Variants in HECTD4 observed in about 807,000 individuals in gnomAD.
HECTD4 encodes the protein HECT domain E3 ubiquitin protein ligase 4.
A neutral mutation model predicts 471.5 loss-of-function variants in HECTD4; 114 were observed. The observed-to-expected ratio is 0.24, with a 90% CI of 0.21 to 0.28. The LOEUF (loss-of-function observed/expected upper bound fraction) is 0.28. HECTD4 is among the 10% of genes least tolerant of loss of function. HECTD4 has a pLI of 1.00. For missense variants in HECTD4, 3,866 were observed against 5,651.5 expected (o/e 0.68, Z 10.13); for synonymous variants, 2,012 against 2,256.0 (o/e 0.89, Z 3.07).
intron 1 of HECTD4, among the ~76,000 whole-genome samples, chr12:112,348,758 A>C (rs1249520212): frequency 6.6e-6 from 1 of 152,224 alleles, no homozygotes; most frequent in African/African-American, 2.4e-5. Context: ...TTTTGGGGAA[A>C]AAAAAGTGTA....
intron 1 of HECTD4, among the ~76,000 whole-genome samples, chr12:112,355,287 CAAAAAAAA>C (rs1310033896): frequency 2.6e-4 from 29 of 111,424 alleles, no homozygotes; most frequent in South Asian, 2.5e-3. Context: ...AAATGGGATT[CAAAAAAAA>C]AAAAAAAAAA....
Position 112,229,767 on chromosome 12 carries a change from G to A in HECTD4, c.6450C>T (p.Arg2150=), listed in dbSNP as rs774917652. The part of the protein sequence containing the change: ...RKLAKLQRIA[R]QAVAALCALG... ...GTGCACACAGTGCGGCAACGGCCTG[G>A]CGTGCAATTCTCTGAAGTTTGGCAA... Residue 2150 remains arginine (R), a synonymous_variant, in exon 41 of 76, where the codon CGC becomes CGT. Transcript: ENST00000682272. 6.1e-5 allele frequency: 99 copies of A among 1,613,918 alleles called. No homozygotes were observed. Among genetic ancestry groups the A allele is most frequent in the Non-Finnish European group, 8.1e-5 (95 of 1,179,904 alleles).
chr12:112,292,030 C>T (rs776869665), intron 7 of HECTD4, among the ~76,000 whole-genome samples: 59 of 152,302 alleles, frequency 3.9e-4, no homozygotes, highest in Admixed American at 1.1e-3. Context: ...CTTTAAAACA[C>T]GATCCCATCA....
At position 112,188,916 on chromosome 12, in the gene HECTD4, CA is replaced by C. The variant is rs1358846353; in HGVS notation, c.9472+1869del. The stretch of plus-strand genomic sequence containing the variant: ...CCGTTGTCCTTGCTCTACCATTTAG[CA>C]TTCATGTAAGACGACCTTGGAGAGA... On this transcript the variant is annotated intron_variant, in intron 60 of 75. Coordinates refer to ENST00000682272, the MANE Select transcript of HECTD4 (RefSeq NM_001388303.1). This position sits in a 1 kb window ranked among gnomAD's most constrained non-coding sequence, Gnocchi z 4.2. Among the ~76,000 whole-genome samples the C allele has an allele frequency of 2.6e-5, 4 of 152,236 alleles. No individual in the cohort carries two copies. Among genetic ancestry groups the C allele is most frequent in the African/African-American group, 9.6e-5 (4 of 41,468 alleles).
rs1032097766 is a variant in HECTD4 at position 112,173,236 on chromosome 12, G to A, written c.11595-375C>T. Among the ~76,000 whole-genome samples the A allele has an allele frequency of 1.8e-4, 28 of 152,182 alleles. No individual in the cohort carries two copies. The highest frequency in any genetic ancestry group is 6.7e-4 in the African/African-American group (28 of 41,506). ...GACAAAATCTTGCTCTGTTGCCTGG[G>A]CTGGAGTGCAGTGGGGCAATCATAG... On this transcript the variant is annotated intron_variant, in intron 66 of 75. Transcript: ENST00000682272. This position sits in a 1 kb window ranked among gnomAD's most constrained non-coding sequence, Gnocchi z 4.3.
chr12:112,217,629 T>C (rs748722295), intron 45 of HECTD4, among the ~76,000 whole-genome samples: 3 of 152,256 alleles, frequency 2.0e-5, no homozygotes, highest in African/African-American at 7.2e-5. Flanking sequence ...GCTAGGATTA[T>C]AGGCGTGAGC....
At chr12:112,271,033 A>G (rs942600848) in intron 11 of HECTD4, among the ~76,000 whole-genome samples, 1 of 152,210 alleles carries the variant, frequency 6.6e-6, no homozygotes. Context: ...GAGGCTTGGT[A>G]GTCAGTAATA....
chr12:112,297,884 C>G (rs987193888), intron 7 of HECTD4, among the ~76,000 whole-genome samples: 1 of 152,084 alleles, frequency 6.6e-6, no homozygotes, highest in Non-Finnish European at 1.5e-5. Context: ...GAAGTTAAGA[C>G]AGTTGACAGA....
At chr12:112,307,107 T>TA (rs1366126477) in intron 6 of HECTD4, among the ~76,000 whole-genome samples, 1 of 152,014 alleles carries the variant, frequency 6.6e-6, no homozygotes, top group Non-Finnish European at 1.5e-5. Context: ...AAACTCAAAA[T>TA]AAAAATAATT....
chr12:112,259,262 T>A lies in HECTD4; in HGVS notation c.2877A>T (p.Leu959Phe). 1.2e-6 allele frequency: 2 copies of A among 1,613,680 alleles called. No individual in the cohort carries two copies. Among genetic ancestry groups the A allele is most frequent in the Non-Finnish European group, 1.7e-6 (2 of 1,179,770 alleles). The change falls in exon 19 of 76, where the codon TTA (leucine) becomes TTT (phenylalanine). Residue 959 changes from leucine (L) to phenylalanine (F), a missense_variant. This residue lies in a region of HECTD4 where 525 missense variants were observed against 672.6 expected (regional missense o/e 0.78). Coordinates refer to ENST00000682272, the MANE Select transcript of HECTD4 (RefSeq NM_001388303.1). ...CCTTAGTAACTTGTTCCAAGCCTTTTAACCTACAAAAAGTTCAAGAAAAAC... is the reference window on the plus strand; with the variant it reads ...CCTTAGTAACTTGTTCCAAGCCTTTAAACCTACAAAAAGTTCAAGAAAAAC... ...NSDIADREQR[L>F]KGLEQVTKAT...
At chr12:112,286,377 TA>T (rs1220870837) in intron 7 of HECTD4, among the ~76,000 whole-genome samples, 1 of 152,126 alleles carries the variant, frequency 6.6e-6, no homozygotes, top group Non-Finnish European at 1.5e-5. Flanking sequence ...AGTGATCATT[TA>T]AAAATGTAAA....
chr12:112,275,758 C>T (rs1354573528), intron 9 of HECTD4, among the ~76,000 whole-genome samples: 1 of 152,008 alleles, frequency 6.6e-6, no homozygotes, highest in African/African-American at 2.4e-5. Context: ...AGATCCGCAT[C>T]GTGCCTAACT....
chr12:112,218,024 A>C (rs2032975961), intron 45 of HECTD4, among the ~76,000 whole-genome samples: 1 of 151,984 alleles, frequency 6.6e-6, no homozygotes, highest in African/African-American at 2.4e-5. Flanking sequence ...TCATTCTGTC[A>C]TCCAGGCTGC....
In HECTD4 at chr12:112,162,982, T is replaced by A. The variant is rs2030751653; in HGVS notation, c.13120+60A>T. On this transcript the variant is annotated intron_variant, in intron 75 of 75. Transcript: ENST00000682272. The surrounding 1 kb of genome is among the most constrained non-coding windows in gnomAD (Gnocchi z 5.2). Reference sequence around the variant, plus strand: ...TTCACATGGGGCCTGGCAGCCCCAGTTCCAAACAGAGAAAGGCTAGTGTGT... The same window carrying A: ...TTCACATGGGGCCTGGCAGCCCCAGATCCAAACAGAGAAAGGCTAGTGTGT... 4.4e-6 allele frequency: 6 copies of A among 1,348,894 alleles called. No individual in the cohort carries two copies. In the East Asian group the frequency reaches 1.4e-4, roughly 31 times the overall value. The allele number at this position is 1,348,894 out of a possible 1,614,324, so 83.6% of individuals were successfully genotyped here.
At chr12:112,185,751 A>G (rs747320115) in intron 60 of HECTD4, among the ~76,000 whole-genome samples, 1 of 152,236 alleles carries the variant, frequency 6.6e-6, no homozygotes, top group Non-Finnish European at 1.5e-5. Context: ...CTTGTGCCCA[A>G]TGGCAGGGTG....
At chr12:112,203,213 A>T (rs1189090747) in intron 54 of HECTD4, 1 of 153,968 alleles carries the variant, frequency 6.5e-6, no homozygotes, top group Non-Finnish European at 1.4e-5. Flanking sequence ...AAGTGCTGGG[A>T]TTACAGGTGT....
chr12:112,272,429 T>C (rs930470417), intron 11 of HECTD4, among the ~76,000 whole-genome samples: 4 of 152,202 alleles, frequency 2.6e-5, no homozygotes, highest in African/African-American at 9.6e-5. Context: ...TCCTTAGTGG[T>C]TGTCAACCAA....
chr12:112,170,047 G>C, intron 69 of HECTD4: 5 of 546,722 alleles, frequency 9.1e-6, no homozygotes, highest in Non-Finnish European at 1.6e-5. Flanking sequence ...CTTTGATGCT[G>C]GAATCCCCAT....
chr12:112,184,796 C>G lies in HECTD4; in HGVS notation c.10170G>C (p.Val3390=), dbSNP rs1566064414. The change falls in exon 61 of 76, where the codon GTG becomes GTC. Residue 3390 remains valine, a synonymous_variant. Transcript: ENST00000682272. The surrounding 1 kb of genome is among the most constrained non-coding windows in gnomAD (Gnocchi z 9.1). ...DAIADACQAL[V]GPTAHSRLLV... ...GCAAGCGGCTGTGGGCGGTGGGGCC[C>G]ACCAGGGCCTGGCAGGCATCGGCGA... The G allele has an allele frequency of 6.2e-7, 1 of 1,610,722 alleles. No homozygotes were observed. Among genetic ancestry groups the G allele is most frequent in the Non-Finnish European group, 8.5e-7 (1 of 1,177,746 alleles).
Sources: gnomAD v4.1 joint callset for allele counts (sites outside exome capture counted in the v4.1 genomes callset) on GRCh38, gnomAD v4.1.1 for gene constraint, gnomAD v4.1.1 regional missense constraint, Gnocchi (gnomAD v3.1) non-coding constraint, MANE v1.5 for transcripts, NCBI Gene and HGNC (gene_info 2026-07-23, HGNC 2026-07-21) for gene names.